The following UGT1A1 variants were observed in gnomAD, a reference collection of about 807,000 sequenced individuals.
UGT1A1 encodes the protein UDP glucuronosyltransferase family 1 member A1.
A neutral mutation model predicts 40.6 loss-of-function variants in UGT1A1; 33 were observed. That is an observed-to-expected ratio of 0.81 (90% CI 0.62 to 1.09). The LOEUF (loss-of-function observed/expected upper bound fraction) is 1.09. Among genes scored for constraint, UGT1A1 ranks in the 50% least tolerant of loss-of-function variants. The pLI, the probability that UGT1A1 is intolerant of heterozygous loss-of-function variation, is 0.00. For synonymous variants in UGT1A1, 249 were observed against 265.0 expected (o/e 0.94, Z 0.59); for missense variants, 694 against 671.2 (o/e 1.03, Z -0.38).
Position 233,772,812 on chromosome 2 carries a change from C to T in UGT1A1, c.*253C>T, listed in dbSNP as rs61757316. ...ATGACATGTGCCATTTTTCAGAGGA[C>T]GTGCAGACAGGCTGGCATTCTAGAT... On this transcript the variant is annotated 3_prime_UTR_variant, in exon 5 of 5. Coordinates refer to ENST00000305208, the MANE Select transcript of UGT1A1 (RefSeq NM_000463.3). The T allele has an allele frequency of 4.4e-5, 46 of 1,035,780 alleles. No individual in the cohort carries two copies. The highest frequency in any genetic ancestry group is 6.9e-4 in the Middle Eastern group (2 of 2,918). 64.2% of individuals were successfully genotyped at this position (1,035,780 alleles called of 1,614,324 possible).
intron 1 of UGT1A1, among the ~76,000 whole-genome samples, chr2:233,762,607 TTTG>T (rs1336079545): frequency 6.6e-6 from 1 of 152,220 alleles, no homozygotes; most frequent in Non-Finnish European, 1.5e-5. Flanking sequence ...TTCCAGGAGT[TTTG>T]TTGTTGTGAC....
chr2:233,761,146 T>A lies in UGT1A1; in HGVS notation c.859T>A (p.Ser287Thr). ...GINCLHQNPL[S>T]QEFEAYINAS... ...CAACTGCCTTCACCAAAATCCACTA[T>A]CCCAGGTGTGTATTGGAGTGGGACT... Residue 287 changes from serine to threonine, a missense_variant, in exon 1 of 5, where the codon TCC (serine) becomes ACC (threonine). Physicochemically the swap from Ser to Thr is moderately conservative, Grantham distance 58. Transcript: ENST00000305208. The A allele has an allele frequency of 6.2e-7, 1 of 1,614,232 alleles. No individual in the cohort carries two copies. Among genetic ancestry groups the A allele is most frequent in the Non-Finnish European group, 8.5e-7 (1 of 1,180,046 alleles).
In UGT1A1 at chr2:233,772,515, A is replaced by G. The variant is rs553499095; in HGVS notation, c.1558A>G (p.Lys520Glu). The change falls in exon 5 of 5, where the codon AAA becomes GAA. Residue 520 changes from lysine to glutamate, a missense_variant. Transcript: ENST00000305208. ...CAYGYRKCLGKKGRVKKAHKS... is the reference protein window; with the variant it reads ...CAYGYRKCLGEKGRVKKAHKS... ...TTATGGCTACCGGAAATGCTTGGGG[A>G]AAAAAGGGCGAGTTAAGAAAGCCCA... is the stretch of plus-strand genomic sequence containing the variant. 82 of 1,614,158 alleles carry G rather than the reference A, an allele frequency of 5.1e-5. No individual in the cohort carries two copies. Among genetic ancestry groups the G allele is most frequent in the Non-Finnish European group, 6.4e-5 (75 of 1,180,028 alleles).
At position 233,769,958 on chromosome 2, in the gene UGT1A1, G is replaced by T. The variant is rs1575848035; in HGVS notation, c.1304+1519G>T. 1 of 216,598 alleles carries T rather than the reference G, an allele frequency of 4.6e-6. No individual in the cohort carries two copies. The highest frequency in any genetic ancestry group is 1.1e-4 in the South Asian group (1 of 9,406). The allele number at this position is 216,598 out of a possible 1,614,324, so 13.4% of individuals were successfully genotyped here. On this transcript the variant is annotated intron_variant, in intron 4 of 4. Coordinates refer to ENST00000305208, the MANE Select transcript of UGT1A1 (RefSeq NM_000463.3). The surrounding 1 kb of genome is among the most constrained non-coding windows in gnomAD (Gnocchi z 4.4). Reference sequence around the variant, plus strand: ...TTCCTTCCTTCCAGCGGCTTCTTCTGGCCACCTCAATGTCAGGATGTCCTG... The same window carrying T: ...TTCCTTCCTTCCAGCGGCTTCTTCTTGCCACCTCAATGTCAGGATGTCCTG...
chr2:233,766,003 G>A (rs1430572640), intron 1 of UGT1A1, among the ~76,000 whole-genome samples: 1 of 152,074 alleles, frequency 6.6e-6, no homozygotes, highest in Non-Finnish European at 1.5e-5. Flanking sequence ...AGTGGGCGTG[G>A]GTTATGGCCT....
rs34526305 is a variant in UGT1A1 at position 233,760,428 on chromosome 2, C to T, written c.141C>T (p.Ile47=). The T allele has an allele frequency of 1.7e-3, 2,732 of 1,614,194 alleles. 18 individuals carry two copies. Among genetic ancestry groups the T allele is most frequent in the Middle Eastern group, 9.2e-3 (56 of 6,062 alleles). The part of the protein sequence containing the change: ...GSHWLSMLGA[I]QQLQQRGHEI... ...ACTGGCTGAGCATGCTTGGGGCCAT[C>T]CAGCAGCTGCAGCAGAGGGGACATG... Residue 47 remains isoleucine (I), a synonymous_variant, in exon 1 of 5, where the codon ATC becomes ATT. Coordinates refer to ENST00000305208, the MANE Select transcript of UGT1A1 (RefSeq NM_000463.3).
chr2:233,768,794 G>C (rs1447773393), intron 4 of UGT1A1, among the ~76,000 whole-genome samples: 4 of 151,952 alleles, frequency 2.6e-5, no homozygotes, highest in African/African-American at 7.2e-5. Flanking sequence ...ATGTTTGTCA[G>C]GCTGGTCTTG....
At chr2:233,764,520 A>G (rs935086504) in intron 1 of UGT1A1, among the ~76,000 whole-genome samples, 4 of 152,220 alleles carry the variant, frequency 2.6e-5, no homozygotes, top group African/African-American at 4.8e-5. Context: ...TGTGAATCAC[A>G]TCCTGCTGAT....
chr2:233,762,993 G>T (rs1698210222), intron 1 of UGT1A1, among the ~76,000 whole-genome samples: 1 of 152,172 alleles, frequency 6.6e-6, no homozygotes, highest in Non-Finnish European at 1.5e-5. Flanking sequence ...AGTGGAAATT[G>T]ATTATCATTT....
At chr2:233,761,229 T>C in intron 1 of UGT1A1, 78 bp downstream of exon 1, 2 of 1,613,382 alleles carry the variant, frequency 1.2e-6, no homozygotes, top group Non-Finnish European at 1.7e-6. Flanking sequence ...TAGCCCCAGA[T>C]ATATGCTGAG....
intron 1 of UGT1A1, among the ~76,000 whole-genome samples, chr2:233,761,431 T>C (rs1333766106): frequency 6.6e-6 from 1 of 152,234 alleles, no homozygotes; most frequent in Non-Finnish European, 1.5e-5. Context: ...TTAAATGCCA[T>C]AGGCACAGAA....
chr2:233,767,701 T>A, intron 2 of UGT1A1, 148 bp from the exon 3 acceptor site: 2 of 1,506,270 alleles, frequency 1.3e-6, no homozygotes, highest in Admixed American at 2.1e-5. Flanking sequence ...AAGTTGCCAG[T>A]CCTCAGAAGC....
At chr2:233,771,009 A>G (rs1251253785) in intron 4 of UGT1A1, 3 of 152,198 alleles carry the variant, frequency 2.0e-5, no homozygotes, top group Non-Finnish European at 4.4e-5. Flanking sequence ...TGGCAAAAGC[A>G]GGAGCGAGAG....
chr2:233,763,837 A>G (rs1269995830), intron 1 of UGT1A1, among the ~76,000 whole-genome samples: 1 of 152,238 alleles, frequency 6.6e-6, no homozygotes, highest in Non-Finnish European at 1.5e-5. Context: ...CTGCCAGGGT[A>G]AGATAGCAGT....
intron 4 of UGT1A1, among the ~76,000 whole-genome samples, chr2:233,772,017 G>T (rs1484729268): frequency 7.9e-5 from 12 of 152,188 alleles, no homozygotes; most frequent in African/African-American, 9.7e-5. Context: ...GGAGGCTGAG[G>T]CAGGAGGATG....
chr2:233,767,749 G>A (rs1699471404), intron 2 of UGT1A1, 100 bp from the exon 3 acceptor site: 1 of 1,594,036 alleles, frequency 6.3e-7, no homozygotes, highest in African/African-American at 1.3e-5. Context: ...GTTAAAGACT[G>A]TTCCTTCAGA....
rs1355599661 is a variant in UGT1A1, at chr2:233,766,653, G to C, written c.865-381G>C. Among the ~76,000 whole-genome samples the C allele has an allele frequency of 2.6e-5, 4 of 152,090 alleles. No individual in the cohort carries two copies. In the East Asian group the frequency reaches 7.7e-4, roughly 29 times the overall value. On this transcript the variant is annotated intron_variant, in intron 1 of 4. Transcript: ENST00000305208. ...TCCCTACTTCCATATCATTTAAAGG[G>C]ACCACGCCCTTCCCAGCTCTTCCCT...
At chr2:233,770,636 C>A (rs184236335) in intron 4 of UGT1A1, 1 of 149,556 alleles carries the variant, frequency 6.7e-6, no homozygotes, top group Non-Finnish European at 1.5e-5. Context: ...CCAGCCTGGG[C>A]GACAGAGTGA....
chr2:233,762,888 C>T (rs986387218), intron 1 of UGT1A1, among the ~76,000 whole-genome samples: 1 of 152,086 alleles, frequency 6.6e-6, no homozygotes, highest in African/African-American at 2.4e-5. Context: ...TTATAAATTC[C>T]ATGCCAAATA....
Sources: gnomAD v4.1 joint callset for allele counts (sites outside exome capture counted in the v4.1 genomes callset) on GRCh38, gnomAD v4.1.1 for gene constraint, Gnocchi (gnomAD v3.1) non-coding constraint, MANE v1.5 for transcripts, NCBI Gene and HGNC (gene_info 2026-07-23, HGNC 2026-07-21) for gene names.